ALDH6A1: variants seen among roughly 807,000 people sequenced by gnomAD.
The protein encoded by ALDH6A1 is aldehyde dehydrogenase 6 family member A1, also known as methylmalonate-semialdehyde/malonate-semialdehyde dehydrogenase [acylating], mitochondrial.
ALDH6A1 carries 43 observed loss-of-function variants against 62.6 expected under a neutral mutation model. The observed-to-expected ratio is 0.69, with a 90% CI of 0.54 to 0.89. The LOEUF (loss-of-function observed/expected upper bound fraction) is 0.89. Ranked by LOEUF, ALDH6A1 falls within the 40% of genes least tolerant of loss-of-function variation. ALDH6A1 has a pLI of 0.00. For synonymous variants in ALDH6A1, 194 were observed against 234.2 expected (o/e 0.83, Z 1.57); for missense variants, 551 against 661.3 (o/e 0.83, Z 1.83).
chr14:74,057,782 C>A lies in ALDH6A1; in HGVS notation c.*2860G>T. 1.9e-6 allele frequency: 2 copies of A among 1,078,466 alleles called. No homozygotes were observed. Among genetic ancestry groups the A allele is most frequent in the Non-Finnish European group, 2.3e-6 (2 of 883,910 alleles). 66.8% of individuals were successfully genotyped at this position (1,078,466 alleles called of 1,614,324 possible). A position where few individuals can be genotyped will look rare whatever the true frequency, so the allele number is the denominator to read the frequency against. On this transcript the variant is annotated 3_prime_UTR_variant, in exon 12 of 12. Coordinates refer to ENST00000553458, the MANE Select transcript of ALDH6A1 (RefSeq NM_005589.4). Reference sequence around the variant, plus strand: ...AAAGAAAATACTGACTTTTTAGCCGCGATCACATGAATATAACTGATGAGT... The same window carrying A: ...AAAGAAAATACTGACTTTTTAGCCGAGATCACATGAATATAACTGATGAGT...
At chr14:74,069,108 T>C (rs995023989) in intron 6 of ALDH6A1, 127 bp from the exon 7 acceptor site, 144 of 1,089,508 alleles carry the variant, frequency 1.3e-4, no homozygotes, top group East Asian at 1.0e-3. Context: ...TTTCTTTTTT[T>C]TTTTTTTTTT....
intron 1 of ALDH6A1, chr14:74,078,238 T>C: frequency 4.4e-6 from 2 of 455,988 alleles, no homozygotes; most frequent in South Asian, 3.1e-5. Context: ...AACTTCCTAC[T>C]AGCAAACCTA....
Position 74,065,257 on chromosome 14 carries a change from T to C in ALDH6A1, c.1328A>G (p.Tyr443Cys). 6.2e-7 allele frequency: 1 copy of C among 1,614,130 alleles called. No individual in the cohort carries two copies. The highest frequency in any genetic ancestry group is 8.5e-7 in the Non-Finnish European group (1 of 1,179,990). ...EAIQIVNNNP[Y>C]GNGTAIFTTN... ...GGTGAAGATGGCAGTTCCATTTCCA[T>C]ATGGGTTGTTATTTACAATCTGGAT... Residue 443 changes from tyrosine to cysteine, a missense_variant, in exon 10 of 12, where the codon TAT (tyrosine) becomes TGT (cysteine). By Grantham distance (194) the Tyr-to-Cys change is radical (BLOSUM62 -2). Coordinates refer to ENST00000553458, the MANE Select transcript of ALDH6A1 (RefSeq NM_005589.4).
Position 74,068,906 on chromosome 14 carries a change from A to G in ALDH6A1, c.806T>C (p.Ile269Thr), listed in dbSNP as rs1241684223. ...GCCATGTCTTGATCCTCTCTCGAAG[A>G]TATACTCTCCTGCCTTGTTGGATCC... The part of the protein sequence containing the change: ...FVGSNKAGEY[I>T]FERGSRHGKR... Residue 269 changes from isoleucine to threonine, a missense_variant, in exon 7 of 12, where the codon ATC becomes ACC. Ile to Thr is a moderately conservative substitution (Grantham distance 89). Transcript: ENST00000553458. 1 of 1,613,914 alleles carries G rather than the reference A, an allele frequency of 6.2e-7. No individual in the cohort carries two copies. The highest frequency in any genetic ancestry group is 8.5e-7 in the Non-Finnish European group (1 of 1,179,990).
chr14:74,076,431 G>A (rs1353193409), intron 1 of ALDH6A1, among the ~76,000 whole-genome samples: 1 of 152,030 alleles, frequency 6.6e-6, no homozygotes, highest in Non-Finnish European at 1.5e-5. Flanking sequence ...GCATGATCTC[G>A]GCTCACTGCA....
intron 5 of ALDH6A1, 126 bp from the exon 6 acceptor site, chr14:74,071,623 G>A (rs1289091226): frequency 2.0e-5 from 32 of 1,572,550 alleles, no homozygotes; most frequent in Non-Finnish European, 2.7e-5. Context: ...ACACTGACTT[G>A]CCCTTCCAAG....
Position 74,057,490 on chromosome 14 carries a change from G to C in ALDH6A1, c.*3152C>G, listed in dbSNP as rs35227177. 0.14 allele frequency: 195,205 copies of C among 1,411,006 alleles called. 14,707 individuals carry two copies. Among genetic ancestry groups the C allele is most frequent in the Admixed American group, 0.24 (8,701 of 36,944 alleles). 87.4% of individuals were successfully genotyped at this position (1,411,006 alleles called of 1,614,324 possible). ...GCCTCTTTTTGTGTAGAAACCTATA[G>C]GTTGCCTTTTGAAGTAAACAGCCTA... On this transcript the variant is annotated 3_prime_UTR_variant, in exon 12 of 12. Transcript: ENST00000553458.
intron 2 of ALDH6A1, 112 bp downstream of exon 2, chr14:74,074,843 A>C: frequency 8.8e-6 from 10 of 1,134,826 alleles, no homozygotes; most frequent in South Asian, 6.7e-5. Context: ...AGGAGGAAAA[A>C]ACTAGAAAGT....
At chr14:74,084,279 G>A (rs2060700403) in intron 1 of ALDH6A1, 68 bp downstream of exon 1, 1 of 1,608,994 alleles carries the variant, frequency 6.2e-7, no homozygotes, top group African/African-American at 1.3e-5. Context: ...GCCCGAGGAT[G>A]GCTCAGGGAG....
intron 1 of ALDH6A1, among the ~76,000 whole-genome samples, chr14:74,079,921 C>T (rs2060654705): frequency 6.6e-6 from 1 of 151,994 alleles, no homozygotes; most frequent in African/African-American, 2.4e-5. Flanking sequence ...ACCTGTGGTC[C>T]CAGGTACTTG....
At chr14:74,062,051 GAAAAAAAAAAAAAAAAA>G (rs369414700) in intron 11 of ALDH6A1, among the ~76,000 whole-genome samples, 2 of 59,578 alleles carry the variant, frequency 3.4e-5, no homozygotes, top group African/African-American at 1.2e-4. Context: ...TCTCTACTGG[GAAAAAAAAAAAAAAAAA>G]AAAAAAAAAA....
Position 74,071,273 on chromosome 14 carries a change from T to A in ALDH6A1, c.652A>T (p.Thr218Ser), listed in dbSNP as rs2060545325. 3 of 1,614,212 alleles carry A rather than the reference T, an allele frequency of 1.9e-6. No homozygotes were observed. Among genetic ancestry groups the A allele is most frequent in the Non-Finnish European group, 2.5e-6 (3 of 1,180,030 alleles). Residue 218 changes from threonine (T) to serine (S), a missense_variant, in exon 6 of 12, where the codon ACT (threonine) becomes TCT (serine). Physicochemically the swap from Thr to Ser is moderately conservative, Grantham distance 58. Coordinates refer to ENST00000553458, the MANE Select transcript of ALDH6A1 (RefSeq NM_005589.4). Reference sequence around the variant, plus strand: ...TGGAGCAACTTAGCAAGAAGCATAGTTGCTCCAGGGACTCGCTCAGATGGT... The same window carrying A: ...TGGAGCAACTTAGCAAGAAGCATAGATGCTCCAGGGACTCGCTCAGATGGT... Reference protein sequence around the residue: ...MKPSERVPGATMLLAKLLQDS... With the variant: ...MKPSERVPGASMLLAKLLQDS...
In ALDH6A1 at chr14:74,057,634, A is replaced by C; in HGVS notation, c.*3008T>G. 1 of 1,332,060 alleles carries C rather than the reference A, an allele frequency of 7.5e-7. No individual in the cohort carries two copies. Among genetic ancestry groups the C allele is most frequent in the Non-Finnish European group, 9.8e-7 (1 of 1,021,724 alleles). 82.5% of individuals were successfully genotyped at this position (1,332,060 alleles called of 1,614,324 possible). A position where few individuals can be genotyped will look rare whatever the true frequency, so the allele number is the denominator to read the frequency against. On this transcript the variant is annotated 3_prime_UTR_variant, in exon 12 of 12. Coordinates refer to ENST00000553458, the MANE Select transcript of ALDH6A1 (RefSeq NM_005589.4). ...ACCTAGAGGACAAAGGCTTATAAGG[A>C]GATATGAAATGATTTTTTTAAGCCA...
chr14:74,073,207 G>A (rs1370718691), intron 2 of ALDH6A1, among the ~76,000 whole-genome samples: 3 of 152,054 alleles, frequency 2.0e-5, no homozygotes, highest in Non-Finnish European at 4.4e-5. Flanking sequence ...GGGCTTAGGT[G>A]ATTCTCCCAC....
chr14:74,070,491 T>C (rs10141564), intron 6 of ALDH6A1, among the ~76,000 whole-genome samples: 36,656 of 152,014 alleles, frequency 0.24, 5,002 homozygotes, highest in South Asian at 0.46. Context: ...TGCTCTCCAG[T>C]CTGGGCGACA....
At position 74,084,345 on chromosome 14, in the gene ALDH6A1, G is replaced by T; in HGVS notation, c.48+2C>A. On this transcript the variant is annotated splice_donor_variant, in intron 1 of 11. Coordinates refer to ENST00000553458, the MANE Select transcript of ALDH6A1 (RefSeq NM_005589.4). LOFTEE classifies it high-confidence loss of function. ...TGGTGCCTTGGCACCACCCTCACTC[G>T]CCTGCAGGATCCGGGCTCGCACTGC... The T allele has an allele frequency of 6.2e-7, 1 of 1,613,678 alleles. No individual in the cohort carries two copies. The highest frequency in any genetic ancestry group is 8.5e-7 in the Non-Finnish European group (1 of 1,179,906).
At chr14:74,069,218 C>G (rs1309822022) in intron 6 of ALDH6A1, 6 of 407,336 alleles carry the variant, frequency 1.5e-5, no homozygotes, top group Non-Finnish European at 2.7e-5. Flanking sequence ...AATTCTCTGC[C>G]TCAGCCTCCC....
rs1252858793 is a variant in ALDH6A1, at chr14:74,059,564, G to A, written c.*1078C>T. ...TACAAAATTAGCTGGGTGTGGTGGC[G>A]CATGCCTGTAATCCCAGCTACTAGG... is the stretch of plus-strand genomic sequence containing the variant. On this transcript the variant is annotated 3_prime_UTR_variant, in exon 12 of 12. Coordinates refer to ENST00000553458, the MANE Select transcript of ALDH6A1 (RefSeq NM_005589.4). 5 of 309,880 alleles carry A rather than the reference G, an allele frequency of 1.6e-5. No homozygotes were observed. The highest frequency in any genetic ancestry group is 1.9e-5 in the Non-Finnish European group (3 of 158,160). The allele number at this position is 309,880 out of a possible 1,614,324, so 19.2% of individuals were successfully genotyped here. A position where few individuals can be genotyped will look rare whatever the true frequency, so the allele number is the denominator to read the frequency against.
intron 5 of ALDH6A1, 158 bp downstream of exon 5, chr14:74,071,730 TCAGTCTTA>T: frequency 6.9e-7 from 1 of 1,455,590 alleles, no homozygotes; most frequent in Non-Finnish European, 9.4e-7. Context: ...GTAAAGTAAA[TCAGTCTTA>T]GGGATACTGA....
Sources: gnomAD v4.1 joint callset for allele counts (sites outside exome capture counted in the v4.1 genomes callset) on GRCh38, gnomAD v4.1.1 for gene constraint, MANE v1.5 for transcripts, NCBI Gene and HGNC (gene_info 2026-07-23, HGNC 2026-07-21) for gene names.